The following NEIL3 variants were observed in gnomAD, a reference collection of about 807,000 sequenced individuals.
The protein encoded by NEIL3 is endonuclease 8-like 3.
In NEIL3, 48 loss-of-function variants were observed where a neutral mutation model predicts 57.5. The ratio of observed to expected loss-of-function variants is 0.83; its 90% CI spans 0.66 to 1.06. The LOEUF (loss-of-function observed/expected upper bound fraction) is 1.06, where lower values mean the gene tolerates loss of function less well. Ranked by LOEUF, NEIL3 falls within the 50% of genes least tolerant of loss-of-function variation. The probability of loss-of-function intolerance (pLI) is 0.00; values close to 1 mark genes in which losing one functional copy is unlikely to be tolerated. For missense variants in NEIL3, 717 were observed against 739.1 expected (o/e 0.97, Z 0.35); for synonymous variants, 261 against 253.2 (o/e 1.03, Z -0.29).
At chr4:177,319,503 T>TA (rs1009795501) in intron 1 of NEIL3, among the ~76,000 whole-genome samples, 6 of 152,152 alleles carry the variant, frequency 3.9e-5, no homozygotes, top group African/African-American at 1.4e-4. Context: ...GGTGTTTGGT[T>TA]ACAAGGATAA....
chr4:177,352,227 C>T (rs995571893), intron 7 of NEIL3, among the ~76,000 whole-genome samples: 16 of 152,200 alleles, frequency 1.1e-4, no homozygotes, highest in Non-Finnish European at 1.9e-4. Flanking sequence ...ATTGTGTCAA[C>T]TGTCATATTG....
rs113255411 is a variant in NEIL3 at position 177,332,659 on chromosome 4, C to T, written c.279-3029C>T. ...TGTCACTCACATCTTTCACATGGGC[C>T]CACGAGTGTGTATTCTCCTTGTGTC... On this transcript the variant is annotated intron_variant, in intron 2 of 9. Transcript: ENST00000264596. Among the ~76,000 whole-genome samples, 1,327 of 152,152 alleles carry T rather than the reference C, an allele frequency of 8.7e-3. 18 individuals carry two copies. Among genetic ancestry groups the T allele is most frequent in the African/African-American group, 0.03 (1,259 of 41,496 alleles).
chr4:177,322,742 ACAG>A (rs1734711884), intron 2 of NEIL3, among the ~76,000 whole-genome samples, 162 bp downstream of exon 2: 1 of 152,170 alleles, frequency 6.6e-6, no homozygotes, highest in Admixed American at 6.5e-5. Flanking sequence ...AAATCAATAA[ACAG>A]CAGAAGAATA....
chr4:177,347,105 G>A (rs1201075121), intron 6 of NEIL3, among the ~76,000 whole-genome samples: 1 of 152,184 alleles, frequency 6.6e-6, no homozygotes, highest in Non-Finnish European at 1.5e-5. Context: ...ATGAGCCACA[G>A]TAGCGGATAG....
At chr4:177,341,447 C>T (rs777174004) in intron 5 of NEIL3, 29 bp from the exon 6 acceptor site, 2 of 1,541,800 alleles carry the variant, frequency 1.3e-6, no homozygotes, top group East Asian at 4.6e-5. Context: ...TTGTGGATAA[C>T]AGAATTTTTT....
intron 5 of NEIL3, among the ~76,000 whole-genome samples, chr4:177,340,930 T>C (rs1490940040): frequency 6.6e-6 from 1 of 150,944 alleles, no homozygotes; most frequent in African/African-American, 2.4e-5. Context: ...GAATGTTTAT[T>C]TTCTTTCTTT....
intron 2 of NEIL3, among the ~76,000 whole-genome samples, chr4:177,329,500 A>C (rs1734841519): frequency 6.6e-6 from 1 of 152,232 alleles, no homozygotes; most frequent in Non-Finnish European, 1.5e-5. Context: ...AGGGTAAAGA[A>C]GGACATTAAA....
At position 177,320,470 on chromosome 4, in the gene NEIL3, T is replaced by C. The variant is rs150296387; in HGVS notation, c.157-1989T>C. 6.1e-3 allele frequency among the ~76,000 whole-genome samples: 384 copies of C among 62,474 alleles called. 18 individuals carry two copies. Among genetic ancestry groups the C allele is most frequent in the African/African-American group, 0.02 (352 of 17,844 alleles). The allele number at this position is 62,474 out of a possible 152,430, so 41.0% of individuals were successfully genotyped here. On this transcript the variant is annotated intron_variant, in intron 1 of 9. Transcript: ENST00000264596. ...AGAACAGGAAGTGACTGCTGTCTTT[T>C]TTTTTTTTTTTTTTTTTTTTTTTTT...
intron 1 of NEIL3, among the ~76,000 whole-genome samples, chr4:177,315,220 T>A (rs1734552271): frequency 6.6e-6 from 1 of 152,182 alleles, no homozygotes; most frequent in Non-Finnish European, 1.5e-5. Flanking sequence ...TATGGAAAAG[T>A]CTTATTCTGC....
At chr4:177,327,362 A>G (rs1734801967) in intron 2 of NEIL3, among the ~76,000 whole-genome samples, 2 of 152,174 alleles carry the variant, frequency 1.3e-5, no homozygotes, top group South Asian at 4.1e-4. Context: ...TATGTAGATA[A>G]TCATATCATC....
chr4:177,363,973 T>A (rs1735657573), downstream of NEIL3, among the ~76,000 whole-genome samples: 1 of 152,132 alleles, frequency 6.6e-6, no homozygotes, highest in South Asian at 2.1e-4. Flanking sequence ...TGGTTTCTTC[T>A]GGGCTCAAGA....
chr4:177,311,009 C>G (rs1268722283), intron 1 of NEIL3, among the ~76,000 whole-genome samples: 3 of 152,126 alleles, frequency 2.0e-5, no homozygotes, highest in Non-Finnish European at 4.4e-5. Context: ...TTTACATCTC[C>G]TTCCAATTGC....
At position 177,335,824 on chromosome 4, in the gene NEIL3, TA is replaced by T. The variant is rs35737622; in HGVS notation, c.413+10del. 8.5e-6 allele frequency: 13 copies of T among 1,525,420 alleles called. No homozygotes were observed. The highest frequency in any genetic ancestry group is 2.0e-4 in the Middle Eastern group (1 of 5,122). The allele number at this position is 1,525,420 out of a possible 1,614,324, so 94.5% of individuals were successfully genotyped here. On this transcript the variant is annotated splice_donor_region_variant and intron_variant, in intron 3 of 9. Coordinates refer to ENST00000264596, the MANE Select transcript of NEIL3 (RefSeq NM_018248.3). The stretch of plus-strand genomic sequence containing the variant: ...CTTTGACTCATCAGTAGAACTCAGG[TA>T]AAAAAAATTAAATAAAAGTACTTAC...
intron 6 of NEIL3, among the ~76,000 whole-genome samples, chr4:177,349,075 G>A (rs969253780): frequency 1.4e-5 from 2 of 145,102 alleles, no homozygotes. Flanking sequence ...GTAGAGACGG[G>A]GTTTCACCGT....
At chr4:177,327,675 G>T (rs1560910815) in intron 2 of NEIL3, among the ~76,000 whole-genome samples, 1 of 152,118 alleles carries the variant, frequency 6.6e-6, no homozygotes, top group Non-Finnish European at 1.5e-5. Context: ...GTAGTGGTGA[G>T]AGCAAATAAG....
At chr4:177,321,889 A>G (rs941081492) in intron 1 of NEIL3, among the ~76,000 whole-genome samples, 1 of 152,186 alleles carries the variant, frequency 6.6e-6, no homozygotes, top group African/African-American at 2.4e-5. Context: ...CTTAGTTTCA[A>G]TCAATGCCCT....
At chr4:177,339,263 C>T (rs767387328) in intron 4 of NEIL3, among the ~76,000 whole-genome samples, 42 of 152,230 alleles carry the variant, frequency 2.8e-4, no homozygotes, top group Non-Finnish European at 2.6e-4. Context: ...TGTATTATTA[C>T]AATAAAGTAA....
chr4:177,353,763 TGC>T lies in NEIL3; in HGVS notation c.1460+36_1460+37del, dbSNP rs1214981177. The T allele has an allele frequency of 2.6e-6, 4 of 1,520,264 alleles. No individual in the cohort carries two copies. The South Asian group carries it at 3.6e-5, about 14-fold the overall frequency. 94.2% of individuals were successfully genotyped at this position (1,520,264 alleles called of 1,614,324 possible). A position where few individuals can be genotyped will look rare whatever the true frequency, so the allele number is the denominator to read the frequency against. ...TTTTAACCTTGGTCTTTAAGATAATTGCTTTTTTTTTTTTTTTTTTAAGACGA... is the reference window on the plus strand; with the variant it reads ...TTTTAACCTTGGTCTTTAAGATAATTTTTTTTTTTTTTTTTTTTAAGACGA... On this transcript the variant is annotated intron_variant, in intron 8 of 9. Transcript: ENST00000264596.
intron 4 of NEIL3, among the ~76,000 whole-genome samples, chr4:177,336,699 G>A (rs1403140348): frequency 6.6e-6 from 1 of 152,204 alleles, no homozygotes; most frequent in Non-Finnish European, 1.5e-5. Flanking sequence ...GTTCACTGAA[G>A]TATCCCAACA....
Sources: gnomAD v4.1 joint callset for allele counts (sites outside exome capture counted in the v4.1 genomes callset) on GRCh38, gnomAD v4.1.1 for gene constraint, MANE v1.5 for transcripts, NCBI Gene and HGNC (gene_info 2026-07-23, HGNC 2026-07-21) for gene names.